The following NTM variants were observed in gnomAD, a reference collection of about 807,000 sequenced individuals.
NTM encodes the protein IgLON family member 2.
In NTM, 13 loss-of-function variants were observed where a neutral mutation model predicts 42.1. That is an observed-to-expected ratio of 0.31 (90% CI 0.20 to 0.49). The LOEUF (loss-of-function observed/expected upper bound fraction) is 0.49. NTM is among the 20% of genes least tolerant of loss of function. NTM has a pLI of 0.99. For synonymous variants in NTM, 187 were observed against 179.2 expected (o/e 1.04, Z -0.35); for missense variants, 373 against 452.8 (o/e 0.82, Z 1.60).
At chr11:131,421,735 C>T (rs1356270356) in intron 1 of NTM, among the ~76,000 whole-genome samples, 1 of 152,212 alleles carries the variant, frequency 6.6e-6, no homozygotes, top group African/African-American at 2.4e-5. Flanking sequence ...GACTAACCTA[C>T]ATATCTTTAT....
At chr11:131,640,477 C>G (rs2064999744) in intron 1 of NTM, among the ~76,000 whole-genome samples, 1 of 152,174 alleles carries the variant, frequency 6.6e-6, no homozygotes, top group African/African-American at 2.4e-5. Flanking sequence ...TTGGTGTTGC[C>G]TGAACCATGA....
At chr11:132,063,013 G>A (rs2080917857) in intron 2 of NTM, among the ~76,000 whole-genome samples, 1 of 152,106 alleles carries the variant, frequency 6.6e-6, no homozygotes, top group African/African-American at 2.4e-5. Context: ...AGACTGGGTA[G>A]GTTAAAACAA....
intron 1 of NTM, among the ~76,000 whole-genome samples, chr11:131,851,530 G>GGT (rs1555154751): frequency 7.1e-5 from 5 of 70,088 alleles, no homozygotes; most frequent in East Asian, 8.8e-4. Flanking sequence ...TGGTGAGAAT[G>GGT]GCGTGTGTGT....
rs75663859 is a variant in NTM at position 132,104,247 on chromosome 11, G to A, written c.168-42035G>A. Among the ~76,000 whole-genome samples the A allele has an allele frequency of 6.6e-3, 1,003 of 152,198 alleles. 10 individuals carry two copies. The highest frequency in any genetic ancestry group is 0.021 in the African/African-American group (892 of 41,510). ...TATGGTGCATGCAACAGGCTGTGCC[G>A]CATGAGGCTATGTACCAAAATATTT... On this transcript the variant is annotated intron_variant, in intron 2 of 8. Transcript: ENST00000683400.
chr11:131,730,363 A>G (rs2079492833), intron 1 of NTM, among the ~76,000 whole-genome samples: 1 of 152,112 alleles, frequency 6.6e-6, no homozygotes, highest in Non-Finnish European at 1.5e-5. Flanking sequence ...GGGGTTAGAG[A>G]TTTTGTAGTA....
At chr11:131,698,290 C>G (rs928436215) in intron 1 of NTM, among the ~76,000 whole-genome samples, 10 of 152,106 alleles carry the variant, frequency 6.6e-5, no homozygotes, top group African/African-American at 2.2e-4. Flanking sequence ...CCCACCCTAC[C>G]CCAGTGCTCA....
chr11:131,656,033 T>C (rs556684642), intron 1 of NTM, among the ~76,000 whole-genome samples: 7 of 152,194 alleles, frequency 4.6e-5, no homozygotes, highest in Non-Finnish European at 1.0e-4. Flanking sequence ...CAGTTCCCCC[T>C]GCTTTTCCTT....
At chr11:132,175,114 G>A (rs951224090) in intron 3 of NTM, among the ~76,000 whole-genome samples, 2 of 152,106 alleles carry the variant, frequency 1.3e-5, no homozygotes, top group African/African-American at 2.4e-5. Context: ...AGTGCCCAGC[G>A]CTCATACTAG....
chr11:132,217,358 C>CTGTGTGTGTG (rs375759515), intron 4 of NTM, among the ~76,000 whole-genome samples: 81 of 142,732 alleles, frequency 5.7e-4, no homozygotes, highest in East Asian at 1.4e-3. Flanking sequence ...CTCTCTCTTT[C>CTGTGTGTGTG]TGTGTGTGTG....
At chr11:131,444,203 CAAA>C (rs71475757) in intron 1 of NTM, among the ~76,000 whole-genome samples, 2,344 of 49,438 alleles carry the variant, frequency 0.047, 25 homozygotes, top group African/African-American at 0.12. Context: ...AGGTTAGAAC[CAAA>C]AAAAAAAAAA....
chr11:131,892,616 G>T (rs1024344067), intron 1 of NTM, among the ~76,000 whole-genome samples: 1 of 152,242 alleles, frequency 6.6e-6, no homozygotes, highest in African/African-American at 2.4e-5. Flanking sequence ...GTGCGGGATG[G>T]CCACATGCTG....
chr11:131,762,005 G>A (rs753470995), intron 1 of NTM, among the ~76,000 whole-genome samples: 2 of 152,158 alleles, frequency 1.3e-5, no homozygotes, highest in African/African-American at 2.4e-5. Context: ...TGCTGGCATG[G>A]CACCTTGATC....
intron 4 of NTM, 28 bp from the exon 5 acceptor site, chr11:132,307,661 T>C (rs1468582769): frequency 1.9e-6 from 3 of 1,612,452 alleles, no homozygotes; most frequent in Middle Eastern, 1.7e-4. Context: ...TCCTTGTATT[T>C]CACCACACGT....
chr11:132,180,909 G>A (rs143431335), intron 3 of NTM, among the ~76,000 whole-genome samples: 2 of 152,206 alleles, frequency 1.3e-5, no homozygotes, highest in East Asian at 1.9e-4. Flanking sequence ...AAAAAAAAAT[G>A]GGGAGAAGAT....
Position 132,080,404 on chromosome 11 carries a change from A to T in NTM, c.168-65878A>T, listed in dbSNP as rs146000111. Among the ~76,000 whole-genome samples, 1,286 of 152,322 alleles carry T rather than the reference A, an allele frequency of 8.4e-3. 18 individuals are homozygous for T. The highest frequency in any genetic ancestry group is 0.028 in the African/African-American group (1,168 of 41,570). On this transcript the variant is annotated intron_variant, in intron 2 of 8. Coordinates refer to ENST00000683400, the MANE Select transcript of NTM (RefSeq NM_001352005.2). ...TTAGTACCAAAACTCCATGCCAAAA[A>T]GATCATCACTGGGTTTGAGCATTTG...
intron 8 of NTM, 131 bp downstream of exon 8, chr11:132,330,316 T>G: frequency 1.1e-6 from 1 of 928,422 alleles, no homozygotes; most frequent in Non-Finnish European, 1.6e-6. Context: ...TCCCCCAACC[T>G]TCAACCATCT....
intron 1 of NTM, among the ~76,000 whole-genome samples, chr11:131,379,432 C>T (rs538787894): frequency 1.3e-5 from 2 of 152,202 alleles, no homozygotes; most frequent in African/African-American, 4.8e-5. Context: ...TATAACGTAG[C>T]GGCTCCTAAC....
intron 2 of NTM, among the ~76,000 whole-genome samples, chr11:132,054,423 G>T (rs1427343859): frequency 1.3e-5 from 2 of 152,194 alleles, no homozygotes; most frequent in Non-Finnish European, 2.9e-5. Flanking sequence ...CTTACTACTG[G>T]ATGGGCACAG....
intron 1 of NTM, among the ~76,000 whole-genome samples, chr11:131,585,964 T>C (rs2058822015): frequency 6.6e-6 from 1 of 152,262 alleles, no homozygotes; most frequent in Non-Finnish European, 1.5e-5. Context: ...CTCTGCTAAC[T>C]AAATGGGATT....
Sources: gnomAD v4.1 joint callset for allele counts (sites outside exome capture counted in the v4.1 genomes callset) on GRCh38, gnomAD v4.1.1 for gene constraint, MANE v1.5 for transcripts, NCBI Gene and HGNC (gene_info 2026-07-23, HGNC 2026-07-21) for gene names.